IGSF21: variants seen among roughly 807,000 people sequenced by gnomAD.
IGSF21 encodes immunoglobin superfamily member 21, also known as immunoglobulin superfamily member 21.
In IGSF21, 28 loss-of-function variants were observed where a neutral mutation model predicts 46.8. The observed-to-expected ratio is 0.60, with a 90% confidence interval of 0.44 to 0.82. The LOEUF (loss-of-function observed/expected upper bound fraction) is 0.82. Ranked by LOEUF, IGSF21 falls within the 40% of genes least tolerant of loss-of-function variation. The pLI, the probability that IGSF21 is intolerant of heterozygous loss-of-function variation, is 0.00. For missense variants in IGSF21, 624 were observed against 665.5 expected (o/e 0.94, Z 0.69); for synonymous variants, 284 against 273.6 (o/e 1.04, Z -0.38).
chr1:18,215,497 G>A lies in IGSF21; in HGVS notation c.71-12401G>A, dbSNP rs1570346108. Among the ~76,000 whole-genome samples the A allele has an allele frequency of 3.9e-5, 6 of 152,190 alleles. No individual in the cohort carries two copies. In the South Asian group the frequency reaches 8.3e-4, roughly 21 times the overall value. On this transcript the variant is annotated intron_variant, in intron 1 of 9. Coordinates refer to ENST00000251296, the MANE Select transcript of IGSF21 (RefSeq NM_032880.5). Reference sequence around the variant, plus strand: ...TGCTGGGCATGGGGTAGGTGAAGCTGGAGTGTACATCAGGAGTGGTCTTTG... The same window carrying A: ...TGCTGGGCATGGGGTAGGTGAAGCTAGAGTGTACATCAGGAGTGGTCTTTG...
intron 1 of IGSF21, among the ~76,000 whole-genome samples, chr1:18,164,182 T>G (rs1046644359): frequency 2.0e-5 from 3 of 152,148 alleles, no homozygotes; most frequent in Non-Finnish European, 4.4e-5. Context: ...ATAGGCAAGG[T>G]AAGTAACTTA....
At chr1:18,356,063 G>A (rs2086014991) in intron 4 of IGSF21, among the ~76,000 whole-genome samples, 1 of 152,052 alleles carries the variant, frequency 6.6e-6, no homozygotes, top group Admixed American at 6.5e-5. Flanking sequence ...TTGAACTCCC[G>A]ACCTCACGTG....
At chr1:18,186,517 G>A (rs1157358737) in intron 1 of IGSF21, among the ~76,000 whole-genome samples, 1 of 152,140 alleles carries the variant, frequency 6.6e-6, no homozygotes, top group Non-Finnish European at 1.5e-5. Context: ...TTCCCTGGCT[G>A]GAGAGCCCAG....
At chr1:18,349,104 G>C (rs1042756961) in intron 4 of IGSF21, among the ~76,000 whole-genome samples, 3 of 152,192 alleles carry the variant, frequency 2.0e-5, no homozygotes, top group Non-Finnish European at 2.9e-5. Context: ...AACAGCTACT[G>C]AGGTGGTCAT....
At chr1:18,358,637 A>G (rs2124626908) in intron 4 of IGSF21, among the ~76,000 whole-genome samples, 1 of 152,372 alleles carries the variant, frequency 6.6e-6, no homozygotes, top group East Asian at 1.9e-4. Flanking sequence ...TAAGAATGTT[A>G]GTAAATCACA....
intron 1 of IGSF21, among the ~76,000 whole-genome samples, chr1:18,125,378 G>A (rs1451786147): frequency 6.6e-6 from 1 of 152,214 alleles, no homozygotes; most frequent in Non-Finnish European, 1.5e-5. Flanking sequence ...GTCTGGCACA[G>A]GTCCTGGTGC....
At chr1:18,323,848 G>A (rs2085630110) in intron 3 of IGSF21, among the ~76,000 whole-genome samples, 1 of 152,148 alleles carries the variant, frequency 6.6e-6, no homozygotes, top group South Asian at 2.1e-4. Context: ...TCATACTAAT[G>A]GCTTTTTAAA....
intron 1 of IGSF21, among the ~76,000 whole-genome samples, chr1:18,117,416 G>C (rs1167974603): frequency 2.0e-5 from 3 of 152,214 alleles, no homozygotes; most frequent in African/African-American, 7.2e-5. Context: ...ATGGGCATGG[G>C]CTTTGTAGTC....
At chr1:18,259,754 GA>G (rs1339657026) in intron 2 of IGSF21, among the ~76,000 whole-genome samples, 7 of 152,194 alleles carry the variant, frequency 4.6e-5, no homozygotes, top group Admixed American at 4.6e-4. Flanking sequence ...CCAGTGGGTG[GA>G]GAGAACTTGG....
At chr1:18,353,131 G>A (rs1168491785) in intron 4 of IGSF21, among the ~76,000 whole-genome samples, 1 of 151,912 alleles carries the variant, frequency 6.6e-6, no homozygotes, top group Non-Finnish European at 1.5e-5. Flanking sequence ...CCATTTGGGG[G>A]CTTTTTGTTG....
intron 2 of IGSF21, among the ~76,000 whole-genome samples, chr1:18,253,774 G>A (rs1158028096): frequency 6.6e-6 from 1 of 152,172 alleles, no homozygotes; most frequent in Non-Finnish European, 1.5e-5. Context: ...CAGTCACTGG[G>A]CGCCTGCTTC....
intron 4 of IGSF21, among the ~76,000 whole-genome samples, chr1:18,348,883 C>T (rs549068767): frequency 2.0e-3 from 305 of 152,274 alleles, no homozygotes; most frequent in African/African-American, 7.2e-3. Flanking sequence ...GTTTCCCCAT[C>T]TGCATATGAG....
chr1:18,281,082 C>G (rs1167292036), intron 2 of IGSF21, among the ~76,000 whole-genome samples: 1 of 95,434 alleles, frequency 1.0e-5, no homozygotes. Flanking sequence ...TGTCCACAGG[C>G]CTGGCCTGCA....
Position 18,365,254 on chromosome 1 carries a change from A to C in IGSF21, c.572A>C (p.Asp191Ala), listed in dbSNP as rs373790209. Residue 191 changes from aspartate (D) to alanine (A), a missense_variant, in exon 6 of 10, where the codon GAC becomes GCC. By Grantham distance (126) the Asp-to-Ala change is moderately radical (BLOSUM62 -2). Transcript: ENST00000251296. The surrounding 1 kb of genome is among the most constrained non-coding windows in gnomAD (Gnocchi z 4.8). ...TTCAAACGAGATGGGGAACCAATCGACGCAGTGCCCCTATCAGAGCCACCA... is the reference window on the plus strand; with the variant it reads ...TTCAAACGAGATGGGGAACCAATCGCCGCAGTGCCCCTATCAGAGCCACCA... ...VYFKRDGEPI[D>A]AVPLSEPPAA... 4.3e-6 allele frequency: 7 copies of C among 1,610,544 alleles called. No homozygotes were observed. In the African/African-American group the frequency reaches 9.4e-5, roughly 22 times the overall value.
intron 1 of IGSF21, among the ~76,000 whole-genome samples, chr1:18,169,697 TTGC>T (rs1279333230): frequency 3.3e-5 from 5 of 152,288 alleles, no homozygotes; most frequent in South Asian, 4.1e-4. Context: ...GATGGGCTAA[TTGC>T]TGCTGAATAT....
At chr1:18,150,735 C>G (rs572298763) in intron 1 of IGSF21, among the ~76,000 whole-genome samples, 48 of 152,356 alleles carry the variant, frequency 3.2e-4, no homozygotes, top group African/African-American at 1.1e-3. Flanking sequence ...GCAGTGTCCT[C>G]CGTCACCAAT....
rs922291307 is a variant in IGSF21 at position 18,290,056 on chromosome 1, A to G, written c.184-1810A>G. Among the ~76,000 whole-genome samples, 6 of 152,142 alleles carry G rather than the reference A, an allele frequency of 3.9e-5. No homozygotes were observed. The highest frequency in any genetic ancestry group is 1.4e-4 in the African/African-American group (6 of 41,418). On this transcript the variant is annotated intron_variant, in intron 2 of 9. Transcript: ENST00000251296. The surrounding 1 kb of genome is among the most constrained non-coding windows in gnomAD (Gnocchi z 4.2). ...CCCCATGCCAAGCTGGACACAGTCA[A>G]CTCAGGGACATTCTTCTGGGTGATG...
At chr1:18,250,084 C>CCCCT (rs1190329019) in intron 2 of IGSF21, among the ~76,000 whole-genome samples, 7 of 64,080 alleles carry the variant, frequency 1.1e-4, no homozygotes, top group African/African-American at 2.8e-4. Flanking sequence ...CTTCCATCCC[C>CCCCT]CACTCCCTCC....
At chr1:18,280,037 A>G (rs1217025742) in intron 2 of IGSF21, among the ~76,000 whole-genome samples, 1 of 152,216 alleles carries the variant, frequency 6.6e-6, no homozygotes, top group Non-Finnish European at 1.5e-5. Context: ...CATCTGTCCC[A>G]TGATGAGCCC....
Sources: allele counts gnomAD v4.1 joint callset (sites outside exome capture counted in the v4.1 genomes callset), GRCh38; gene constraint gnomAD v4.1.1; non-coding constraint Gnocchi (gnomAD v3.1); transcripts MANE v1.5; gene names NCBI Gene and HGNC (gene_info 2026-07-23, HGNC 2026-07-21).